The following TAF2 variants were observed in gnomAD, a reference collection of about 807,000 sequenced individuals.
The protein encoded by TAF2 is TATA-box binding protein associated factor 2, also known as transcription initiation factor TFIID subunit 2.
In TAF2, 61 loss-of-function variants were observed where a neutral mutation model predicts 138.5. The ratio of observed to expected loss-of-function variants is 0.44; its 90% CI spans 0.36 to 0.54. The LOEUF is 0.54. TAF2 is among the 20% of genes least tolerant of loss of function. The pLI is 0.00. For missense variants in TAF2, 1,090 were observed against 1,427.9 expected (o/e 0.76, Z 3.81); for synonymous variants, 475 against 469.9 (o/e 1.01, Z -0.14).
rs1465268474 is a variant in TAF2 at position 119,785,216 on chromosome 8, T to C, written c.1844A>G (p.Asp615Gly). 6.2e-7 allele frequency: 1 copy of C among 1,612,820 alleles called. No individual in the cohort carries two copies. Among genetic ancestry groups the C allele is most frequent in the East Asian group, 2.2e-5 (1 of 44,724 alleles). ...ACTAACTTACTCCATTGCAGAAAGA[T>C]CCATATCAACTTCTTCTCCATTCAT... ...PLMNGEEVDM[D>G]LSAMDADSPL... Residue 615 changes from aspartate (D) to glycine (G), a missense_variant, in exon 15 of 26, where the codon GAT becomes GGT. Transcript: ENST00000378164.
At chr8:119,776,347 C>CTTT (rs35600902) in intron 18 of TAF2, among the ~76,000 whole-genome samples, 4 of 134,552 alleles carry the variant, frequency 3.0e-5, no homozygotes, top group Non-Finnish European at 4.7e-5. Context: ...CATGCCTGTG[C>CTTT]TTTTTTTTTT....
At position 119,775,501 on chromosome 8, in the gene TAF2, G is replaced by A. The variant is rs1306184984; in HGVS notation, c.2364+2518C>T. ...GCGAATCACTTGAGGTCAGGAGTTC[G>A]AGACCAGCCTGGCCAACATGGTGAA... On this transcript the variant is annotated intron_variant, in intron 18 of 25. Coordinates refer to ENST00000378164, the MANE Select transcript of TAF2 (RefSeq NM_003184.4). Among the ~76,000 whole-genome samples, 7 of 151,752 alleles carry A rather than the reference G, an allele frequency of 4.6e-5. No homozygotes were observed. The East Asian group carries it at 7.8e-4, about 17-fold the overall frequency.
At chr8:119,750,285 G>A (rs1213620904) in intron 22 of TAF2, among the ~76,000 whole-genome samples, 1 of 152,188 alleles carries the variant, frequency 6.6e-6, no homozygotes, top group Non-Finnish European at 1.5e-5. Flanking sequence ...AGCTTGCAGT[G>A]AGCCAAGATC....
chr8:119,787,251 T>A (rs556764571), intron 14 of TAF2, among the ~76,000 whole-genome samples: 1 of 152,154 alleles, frequency 6.6e-6, no homozygotes, highest in South Asian at 2.1e-4. Flanking sequence ...ATATACCTAA[T>A]GCTAAATGAC....
rs750717785 is a variant in TAF2, at chr8:119,797,690, C to T, written c.949G>A (p.Ala317Thr). 5.6e-6 allele frequency: 9 copies of T among 1,613,266 alleles called. No individual in the cohort carries two copies. The highest frequency in any genetic ancestry group is 3.3e-5 in the Admixed American group (2 of 59,966). Residue 317 changes from alanine (A) to threonine (T), a missense_variant, in exon 7 of 26, where the codon GCT (alanine) becomes ACT (threonine). By Grantham distance (58) the Ala-to-Thr change is moderately conservative (BLOSUM62 0). Transcript: ENST00000378164. ...AAAATGCTCATGGAAGCATAAGCAG[C>T]CACTTCAACATAAGCCTCATCAATG... Reference protein sequence around the residue: ...VFIDEAYVEVAAYASMSIFST... With the variant: ...VFIDEAYVEVTAYASMSIFST...
intron 17 of TAF2, among the ~76,000 whole-genome samples, chr8:119,778,907 G>T (rs186399765): frequency 6.6e-6 from 1 of 152,212 alleles, no homozygotes; most frequent in African/African-American, 2.4e-5. Context: ...GGCGAGATAT[G>T]GACTAGCCCC....
intron 22 of TAF2, among the ~76,000 whole-genome samples, 180 bp downstream of exon 22, chr8:119,755,826 G>A (rs1820665302): frequency 6.6e-6 from 1 of 152,076 alleles, no homozygotes; most frequent in African/African-American, 2.4e-5. Context: ...GGAGTAAAGT[G>A]AGTATATCCT....
chr8:119,730,881 T>C lies in TAF2; in HGVS notation c.*1043A>G, dbSNP rs1214626400. 2 of 152,174 alleles carry C rather than the reference T, an allele frequency of 1.3e-5. No homozygotes were observed. Among genetic ancestry groups the C allele is most frequent in the Non-Finnish European group, 2.9e-5 (2 of 68,020 alleles). The allele number at this position is 152,174 out of a possible 1,614,324, so 9.4% of individuals were successfully genotyped here. A position where few individuals can be genotyped will look rare whatever the true frequency, so the allele number is the denominator to read the frequency against. On this transcript the variant is annotated 3_prime_UTR_variant, in exon 26 of 26. Coordinates refer to ENST00000378164, the MANE Select transcript of TAF2 (RefSeq NM_003184.4). ...AACTTTCTAATGATAAGGGGAATGA[T>C]AAAAATTGAACAGATATAAAAAATA...
chr8:119,794,724 CTTCT>C (rs1279740828), intron 9 of TAF2, among the ~76,000 whole-genome samples: 3 of 152,124 alleles, frequency 2.0e-5, no homozygotes, highest in Non-Finnish European at 4.4e-5. Flanking sequence ...CTTTGTTCTT[CTTCT>C]TTAATAGTTT....
intron 18 of TAF2, among the ~76,000 whole-genome samples, chr8:119,763,586 C>A (rs1319476821): frequency 3.3e-5 from 5 of 151,616 alleles, no homozygotes; most frequent in African/African-American, 1.2e-4. Flanking sequence ...AAAAATTAGC[C>A]AGGTGTGGTG....
chr8:119,741,523 T>C (rs932345657), intron 25 of TAF2, among the ~76,000 whole-genome samples: 1 of 152,190 alleles, frequency 6.6e-6, no homozygotes, highest in Non-Finnish European at 1.5e-5. Context: ...CTGAAACATA[T>C]TTTAGGTGAA....
chr8:119,831,427 A>C (rs1227050724), intron 2 of TAF2, among the ~76,000 whole-genome samples: 1 of 152,182 alleles, frequency 6.6e-6, no homozygotes, highest in Non-Finnish European at 1.5e-5. Flanking sequence ...TTCATATTAT[A>C]CACCAGATAA....
At chr8:119,779,263 C>CACACAT (rs1822475761) in intron 17 of TAF2, among the ~76,000 whole-genome samples, 2 of 151,510 alleles carry the variant, frequency 1.3e-5, no homozygotes, top group Admixed American at 1.3e-4. Flanking sequence ...CACACACACA[C>CACACAT]ACACACACAC....
intron 18 of TAF2, among the ~76,000 whole-genome samples, chr8:119,769,923 A>C (rs777061166): frequency 2.6e-5 from 4 of 151,780 alleles, no homozygotes; most frequent in Non-Finnish European, 5.9e-5. Flanking sequence ...ATGCCCGGCT[A>C]ATTTTTTGTA....
At chr8:119,781,645 A>G (rs991577214) in intron 16 of TAF2, among the ~76,000 whole-genome samples, 2 of 152,022 alleles carry the variant, frequency 1.3e-5, no homozygotes, top group African/African-American at 4.8e-5. Flanking sequence ...AGATGGCACC[A>G]TCGCACTCCA....
chr8:119,788,757 G>T, intron 13 of TAF2, 33 bp downstream of exon 13: 1 of 1,409,102 alleles, frequency 7.1e-7, no homozygotes, highest in Non-Finnish European at 1.0e-6. Flanking sequence ...TGAGGAGATA[G>T]CAGTACAAAG....
intron 3 of TAF2, among the ~76,000 whole-genome samples, chr8:119,810,801 C>T (rs1396573035): frequency 6.6e-6 from 1 of 152,036 alleles, no homozygotes; most frequent in African/African-American, 2.4e-5. Flanking sequence ...AACTATTGTA[C>T]AAAAAGAAAG....
At chr8:119,767,551 A>AGACTGTAGAGACGCTGCTGG (rs1821519809) in intron 18 of TAF2, among the ~76,000 whole-genome samples, 1 of 152,046 alleles carries the variant, frequency 6.6e-6, no homozygotes, top group Non-Finnish European at 1.5e-5. Flanking sequence ...GAGCTGCCCG[A>AGACTGTAGAGACGCTGCTGG]AGACTGTAGA....
chr8:119,780,650 A>C (rs1294820522), intron 17 of TAF2, among the ~76,000 whole-genome samples: 1 of 152,162 alleles, frequency 6.6e-6, no homozygotes, highest in African/African-American at 2.4e-5. Flanking sequence ...AAAGTAAAAA[A>C]AGAGGCCGGG....
Sources: allele counts gnomAD v4.1 joint callset (sites outside exome capture counted in the v4.1 genomes callset), GRCh38; gene constraint gnomAD v4.1.1; transcripts MANE v1.5; gene names NCBI Gene and HGNC (gene_info 2026-07-23, HGNC 2026-07-21).